The following NRCAM variants were observed in gnomAD, a reference collection of about 807,000 sequenced individuals.
NRCAM encodes the protein NgCAM-related cell adhesion molecule.
Under a neutral mutation model 156.5 loss-of-function variants are expected in NRCAM, and 83 were observed. That is an observed-to-expected ratio of 0.53 (90% CI 0.44 to 0.64). The LOEUF (loss-of-function observed/expected upper bound fraction) is 0.64. Among genes scored for constraint, NRCAM ranks in the 30% least tolerant of loss-of-function variants. The probability of loss-of-function intolerance (pLI) is 0.00; values close to 1 mark genes in which losing one functional copy is unlikely to be tolerated. For synonymous variants in NRCAM, 538 were observed against 563.9 expected (o/e 0.95, Z 0.65); for missense variants, 1,417 against 1,597.3 (o/e 0.89, Z 1.92).
rs575870420 is a variant in NRCAM, at chr7:108,213,225, T to C, written c.891-3620A>G. On this transcript the variant is annotated intron_variant, in intron 11 of 32. Transcript: ENST00000379028. ...GAATTTGCCATTACCAAACCACCAC[T>C]ACAAGAACTGCTAAAAGGAGTTCTA... Among the ~76,000 whole-genome samples, 45 of 152,174 alleles carry C rather than the reference T, an allele frequency of 3.0e-4. 1 individual carries two copies. The South Asian group carries it at 5.2e-3, about 18-fold the overall frequency.
At chr7:108,442,314 T>G (rs1839500979) in intron 1 of NRCAM, among the ~76,000 whole-genome samples, 1 of 152,148 alleles carries the variant, frequency 6.6e-6, no homozygotes, top group Non-Finnish European at 1.5e-5. Flanking sequence ...GAGGATCTCT[T>G]GGTCACAGGT....
intron 9 of NRCAM, 65 bp downstream of exon 9, chr7:108,226,143 T>G: frequency 8.6e-7 from 1 of 1,163,540 alleles, no homozygotes; most frequent in South Asian, 1.5e-5. Flanking sequence ...TATATAATAG[T>G]TTCTATATTT....
At position 108,232,515 on chromosome 7, in the gene NRCAM, A is replaced by G. The variant is rs1404867413; in HGVS notation, c.238T>C (p.Trp80Arg). 6.2e-7 allele frequency: 1 copy of G among 1,608,620 alleles called. No homozygotes were observed. Among genetic ancestry groups the G allele is most frequent in the Non-Finnish European group, 8.5e-7 (1 of 1,177,908 alleles). ...AKGKPPPSFS[W>R]TRNGTHFDID... The stretch of plus-strand genomic sequence containing the variant: ...TCAAAATGAGTCCCATTACGGGTCC[A>G]GGAAAAGCTGCCCAACACACGAAGT... Residue 80 changes from tryptophan to arginine, a missense_variant, in exon 7 of 33, where the codon TGG becomes CGG. By Grantham distance (101) the Trp-to-Arg change is moderately radical. Around this residue, in one of 2 missense-constraint regions of NRCAM, gnomAD observed 1,238 missense variants for 1,336.4 expected, o/e 0.93. Coordinates refer to ENST00000379028, the MANE Select transcript of NRCAM (RefSeq NM_001037132.4).
intron 2 of NRCAM, among the ~76,000 whole-genome samples, chr7:108,326,088 T>A (rs1377068247): frequency 6.6e-6 from 1 of 152,212 alleles, no homozygotes; most frequent in African/African-American, 2.4e-5. Flanking sequence ...CTTTTTGTAA[T>A]CTTCAACAGA....
In NRCAM at chr7:108,418,560, T is replaced by TACACACACAC. The variant is rs59582056; in HGVS notation, c.-331-18977_-331-18968dup. Among the ~76,000 whole-genome samples the TACACACACAC allele has an allele frequency of 1.7e-3, 248 of 143,728 alleles. 1 individual carries two copies. Among genetic ancestry groups the TACACACACAC allele is most frequent in the African/African-American group, 3.7e-3 (144 of 38,728 alleles). 94.3% of individuals were successfully genotyped at this position (143,728 alleles called of 152,430 possible). On this transcript the variant is annotated intron_variant, in intron 1 of 32. Coordinates refer to ENST00000379028, the MANE Select transcript of NRCAM (RefSeq NM_001037132.4). ...GGTCTTTTATCTGGTATACATATTA[T>TACACACACAC]ACACACACACACACACACACACACA...
In NRCAM at chr7:108,231,063, A is replaced by G. The variant is rs2153732332; in HGVS notation, c.518T>C (p.Leu173Ser). The G allele has an allele frequency of 6.2e-7, 1 of 1,607,576 alleles. No homozygotes were observed. The highest frequency in any genetic ancestry group is 2.2e-5 in the East Asian group (1 of 44,740). The change falls in exon 8 of 33, where the codon TTA becomes TCA. Residue 173 changes from leucine (L) to serine (S), a missense_variant. Physicochemically the swap from Leu to Ser is moderately radical, Grantham distance 145 (BLOSUM62 -2). Transcript: ENST00000379028. The part of the protein sequence containing the change: ...LVLPCRPPIG[L>S]PPPIIFWMDN... Reference sequence around the variant, plus strand: ...CATCCAAAATATTATAGGTGGTGGTAATCCAATTGGGGGTCTGCAGGGAAG... The same window carrying G: ...CATCCAAAATATTATAGGTGGTGGTGATCCAATTGGGGGTCTGCAGGGAAG...
intron 3 of NRCAM, among the ~76,000 whole-genome samples, chr7:108,247,312 A>G (rs2096009391): frequency 6.6e-6 from 1 of 152,220 alleles, no homozygotes; most frequent in African/African-American, 2.4e-5. Context: ...ACATACTAAC[A>G]TGCACATTTA....
At chr7:108,205,880 A>G (rs1438375421) in intron 13 of NRCAM, among the ~76,000 whole-genome samples, 1 of 152,160 alleles carries the variant, frequency 6.6e-6, no homozygotes, top group East Asian at 1.9e-4. Context: ...CACATGAGCC[A>G]CCATAAAACT....
intron 1 of NRCAM, among the ~76,000 whole-genome samples, chr7:108,410,672 C>T (rs1794294666): frequency 6.6e-6 from 1 of 152,152 alleles, no homozygotes; most frequent in Non-Finnish European, 1.5e-5. Context: ...GGAGAACTGT[C>T]CAAGGACAAA....
In NRCAM at chr7:108,373,016, TA is replaced by T. The variant is rs986769542; in HGVS notation, c.-174+26419del. ...CATACCGTGGAATACTGTTCAGCCT[TA>T]AAAAAAAGAATATTCTGTAATATGC... is the stretch of plus-strand genomic sequence containing the variant. On this transcript the variant is annotated intron_variant, in intron 2 of 32. Transcript: ENST00000379028. Among the ~76,000 whole-genome samples the T allele has an allele frequency of 1.1e-3, 161 of 151,908 alleles. 1 individual carries two copies. The highest frequency in any genetic ancestry group is 3.2e-3 in the African/African-American group (131 of 41,472).
chr7:108,442,990 T>G (rs1488952614), intron 1 of NRCAM, among the ~76,000 whole-genome samples: 1 of 152,158 alleles, frequency 6.6e-6, no homozygotes, highest in African/African-American at 2.4e-5. Context: ...GTCAGGATCA[T>G]AAATAAATTT....
chr7:108,270,419 G>T (rs891712886), intron 3 of NRCAM, among the ~76,000 whole-genome samples: 1 of 152,136 alleles, frequency 6.6e-6, no homozygotes. Context: ...TAGGGAGAGG[G>T]TTTCACAGTT....
chr7:108,280,270 A>G (rs1225924675), intron 3 of NRCAM, among the ~76,000 whole-genome samples: 1 of 152,222 alleles, frequency 6.6e-6, no homozygotes. Flanking sequence ...CTTTCACCAG[A>G]ACAAGCTGCA....
At chr7:108,150,294 G>A (rs1415318313) in intron 32 of NRCAM, 147 bp from the exon 33 acceptor site, 8 of 706,346 alleles carry the variant, frequency 1.1e-5, no homozygotes, top group South Asian at 1.8e-5. Context: ...CTCCAATGAC[G>A]AGGATGAGTT....
chr7:108,175,419 T>G, intron 27 of NRCAM, 62 bp from the exon 28 acceptor site: 1 of 1,343,008 alleles, frequency 7.4e-7, no homozygotes, highest in South Asian at 1.3e-5. Flanking sequence ...CCCATGAGCA[T>G]GTATAGCGAT....
intron 1 of NRCAM, among the ~76,000 whole-genome samples, chr7:108,454,869 G>A (rs898384180): frequency 2.0e-5 from 3 of 152,230 alleles, no homozygotes; most frequent in Non-Finnish European, 2.9e-5. Flanking sequence ...ACTCGGAAAG[G>A]AAAAGAAAGC....
chr7:108,434,541 TACACACACACACACAC>T (rs141756969), intron 1 of NRCAM, among the ~76,000 whole-genome samples: 139 of 141,240 alleles, frequency 9.8e-4, no homozygotes, highest in African/African-American at 3.4e-3. Context: ...CAATGGAATG[TACACACACACACACAC>T]ACACACACAC....
At chr7:108,160,122 T>C (rs935036678) in intron 31 of NRCAM, among the ~76,000 whole-genome samples, 6 of 152,198 alleles carry the variant, frequency 3.9e-5, no homozygotes, top group Non-Finnish European at 4.4e-5. Context: ...TCTAAGAAAG[T>C]AGGCTCACTA....
intron 11 of NRCAM, among the ~76,000 whole-genome samples, chr7:108,212,060 C>T (rs965795188): frequency 2.6e-5 from 4 of 152,214 alleles, no homozygotes; most frequent in African/African-American, 9.7e-5. Context: ...CGATGGTTCA[C>T]ATCACAGGAC....
Sources: gnomAD v4.1 joint callset for allele counts (sites outside exome capture counted in the v4.1 genomes callset) on GRCh38, gnomAD v4.1.1 for gene constraint, gnomAD v4.1.1 regional missense constraint, MANE v1.5 for transcripts, NCBI Gene and HGNC (gene_info 2026-07-23, HGNC 2026-07-21) for gene names.